The following COL4A3 variants were observed in gnomAD, a reference collection of about 807,000 sequenced individuals.
The protein encoded by COL4A3 is collagen type IV alpha 3 chain.
A neutral mutation model predicts 217.4 loss-of-function variants in COL4A3; 135 were observed. The observed-to-expected ratio is 0.62, with a 90% CI of 0.54 to 0.72. The LOEUF is 0.72. Ranked by LOEUF, COL4A3 falls within the 30% of genes least tolerant of loss-of-function variation. COL4A3 has a pLI of 0.00. For synonymous variants in COL4A3, 690 were observed against 736.3 expected (o/e 0.94, Z 1.02); for missense variants, 1,868 against 2,119.9 (o/e 0.88, Z 2.33).
chr2:227,277,824 A>G (rs1467740489), intron 28 of COL4A3, among the ~76,000 whole-genome samples: 2 of 151,832 alleles, frequency 1.3e-5, no homozygotes, highest in African/African-American at 2.4e-5. Context: ...ACATGGTGAA[A>G]CCCCGTCTCT....
rs2106210356 is a variant in COL4A3 at position 227,290,760 on chromosome 2, A to G, written c.3084A>G (p.Lys1028=). ...CCCTAATTTCAGGTTCTAAAGGAAA[A>G]AGGGGAACTTTGGGATTCCCAGGTC... ...GNMGMPGSKG[K]RGTLGFPGRA... Residue 1028 remains lysine, a synonymous_variant, in exon 37 of 52, where the codon AAA becomes AAG. Coordinates refer to ENST00000396578, the MANE Select transcript of COL4A3 (RefSeq NM_000091.5). 1 of 1,613,348 alleles carries G rather than the reference A, an allele frequency of 6.2e-7. No individual in the cohort carries two copies. The highest frequency in any genetic ancestry group is 1.3e-5 in the African/African-American group (1 of 74,996).
rs569431141 is a variant in COL4A3 at position 227,240,546 on chromosome 2, C to T, written c.234+314C>T. Reference sequence around the variant, plus strand: ...ACTCAGAGCTCTTTTTGCTTCTATTCAAGACCTGTCCAACCACCTGTGCCC... The same window carrying T: ...ACTCAGAGCTCTTTTTGCTTCTATTTAAGACCTGTCCAACCACCTGTGCCC... On this transcript the variant is annotated intron_variant, in intron 3 of 51. Transcript: ENST00000396578. Among the ~76,000 whole-genome samples, 19 of 152,324 alleles carry T rather than the reference C, an allele frequency of 1.2e-4. No homozygotes were observed. The South Asian group carries it at 3.5e-3, about 28-fold the overall frequency.
intron 1 of COL4A3, among the ~76,000 whole-genome samples, chr2:227,233,333 T>TAA (rs398039895): frequency 0.089 from 13,327 of 149,392 alleles, 610 homozygotes; most frequent in Admixed American, 0.15. Flanking sequence ...ATTGGCCTGT[T>TAA]AAAAAAAAAA....
At position 227,266,482 on chromosome 2, in the gene COL4A3, G is replaced by C. The variant is rs1135401954; in HGVS notation, c.1381G>C (p.Gly461Arg). 1 of 1,614,000 alleles carries C rather than the reference G, an allele frequency of 6.2e-7. No individual in the cohort carries two copies. Among genetic ancestry groups the C allele is most frequent in the Non-Finnish European group, 8.5e-7 (1 of 1,179,952 alleles). Reference sequence around the variant, plus strand: ...ACTGCCAGGCTATCTAGGGTCTCCAGGAATCCCAGGAGTTGATGGGCCCAA... The same window carrying C: ...ACTGCCAGGCTATCTAGGGTCTCCACGAATCCCAGGAGTTGATGGGCCCAA... ...HGLPGYLGSP[G>R]IPGVDGPKGE... Residue 461 changes from glycine (G) to arginine (R), a missense_variant, in exon 22 of 52, where the codon GGA becomes CGA. Coordinates refer to ENST00000396578, the MANE Select transcript of COL4A3 (RefSeq NM_000091.5).
At position 227,309,187 on chromosome 2, in the gene COL4A3, T is replaced by C; in HGVS notation, c.4641-17T>C. 6.2e-7 allele frequency: 1 copy of C among 1,613,836 alleles called. No individual in the cohort carries two copies. Among genetic ancestry groups the C allele is most frequent in the East Asian group, 2.2e-5 (1 of 44,890 alleles). On this transcript the variant is annotated splice_polypyrimidine_tract_variant and intron_variant, in intron 49 of 51. Transcript: ENST00000396578. ...AGAAAGTGGCAATGCCGCCATAGTCTTTGTTTCATGTTACAGATGCACTGT... is the reference window on the plus strand; with the variant it reads ...AGAAAGTGGCAATGCCGCCATAGTCCTTGTTTCATGTTACAGATGCACTGT...
At chr2:227,245,065 A>G (rs1301423438) in intron 5 of COL4A3, 70 bp downstream of exon 5, 2 of 1,469,346 alleles carry the variant, frequency 1.4e-6, no homozygotes, top group African/African-American at 2.8e-5. Flanking sequence ...ATGTTAAAAC[A>G]GTCGTGCAAG....
At chr2:227,203,456 TATATGTGTGTATATATGTGTATAC>T (rs537344537) in intron 1 of COL4A3, among the ~76,000 whole-genome samples, 1 of 50,438 alleles carries the variant, frequency 2.0e-5, no homozygotes, top group African/African-American at 1.0e-4. Context: ...TATACATACA[TATATGTGTGTATATATGTGTATAC>T]ATATGTGTGT....
chr2:227,274,111 C>T (rs1161288519), intron 26 of COL4A3, among the ~76,000 whole-genome samples: 11 of 152,086 alleles, frequency 7.2e-5, no homozygotes, highest in Non-Finnish European at 1.5e-5. Flanking sequence ...GTGGCACATA[C>T]CCACAGTCCC....
intron 1 of COL4A3, among the ~76,000 whole-genome samples, chr2:227,173,458 A>G (rs895651396): frequency 7.2e-5 from 11 of 152,162 alleles, no homozygotes; most frequent in Non-Finnish European, 1.3e-4. Flanking sequence ...CAGCCTTTCC[A>G]TTCTTCCAGG....
At chr2:227,304,533 GA>G (rs1253086524) in intron 46 of COL4A3, among the ~76,000 whole-genome samples, 1 of 152,092 alleles carries the variant, frequency 6.6e-6, no homozygotes, top group African/African-American at 2.4e-5. Context: ...AAAGTATTAG[GA>G]AAAAATGATT....
In COL4A3 at chr2:227,253,539, T is replaced by C. The variant is rs917834036; in HGVS notation, c.688-22T>C. 9 of 1,598,618 alleles carry C rather than the reference T, an allele frequency of 5.6e-6. No individual in the cohort carries two copies. The highest frequency in any genetic ancestry group is 7.7e-6 in the Non-Finnish European group (9 of 1,165,844). On this transcript the variant is annotated intron_variant, in intron 12 of 51. Coordinates refer to ENST00000396578, the MANE Select transcript of COL4A3 (RefSeq NM_000091.5). This position sits in a 1 kb window ranked among gnomAD's most constrained non-coding sequence, Gnocchi z 4.4. ...TTGATGCTGTTGTTTATTTTCTCAC[T>C]CCTGAGTGTTTTTGTCTTTAGGGTG...
At chr2:227,263,343 A>C (rs1272064988) in intron 20 of COL4A3, among the ~76,000 whole-genome samples, 1 of 152,222 alleles carries the variant, frequency 6.6e-6, no homozygotes, top group Non-Finnish European at 1.5e-5. Context: ...GGAGATGACT[A>C]TCCCCCATCA....
intron 28 of COL4A3, 38 bp from the exon 29 acceptor site, chr2:227,279,755 C>A: frequency 1.4e-6 from 2 of 1,385,100 alleles, no homozygotes; most frequent in African/African-American, 1.4e-5. Context: ...TTCAATAAGA[C>A]TAATCCTACA....
chr2:227,296,880 C>A (rs144522678), intron 41 of COL4A3, among the ~76,000 whole-genome samples: 39 of 152,298 alleles, frequency 2.6e-4, no homozygotes, highest in African/African-American at 8.9e-4. Flanking sequence ...TCCTTCTGCA[C>A]ATCTATCTTC....
intron 6 of COL4A3, 31 bp downstream of exon 6, chr2:227,246,047 T>C: frequency 6.6e-7 from 1 of 1,520,910 alleles, no homozygotes; most frequent in Non-Finnish European, 9.1e-7. Context: ...AGATGATTAA[T>C]AAATGCTTTG....
intron 1 of COL4A3, among the ~76,000 whole-genome samples, chr2:227,236,663 A>ATTTTTTTTTTTTTTTTTTT (rs375943584): frequency 6.9e-6 from 1 of 144,658 alleles, no homozygotes. Context: ...GTCAAAACAC[A>ATTTTTTTTTTTTTTTTTTT]TTTTTTCTTT....
rs1267839034 is a variant in COL4A3 at position 227,293,218 on chromosome 2, G to A, written c.3238G>A (p.Gly1080Arg). The change falls in exon 38 of 52, where the codon GGA becomes AGA. Residue 1080 changes from glycine (G) to arginine (R), a missense_variant. Gly to Arg is a moderately radical substitution (Grantham distance 125). Coordinates refer to ENST00000396578, the MANE Select transcript of COL4A3 (RefSeq NM_000091.5). ...GGATCCAGGACTGCCGGGTGATATG[G>A]GAAAGAAAGGAGAAATGGGGCAACC... is the stretch of plus-strand genomic sequence containing the variant. ...TGDPGLPGDM[G>R]KKGEMGQPGP... is the part of the protein sequence containing the mutation. 1.2e-6 allele frequency: 2 copies of A among 1,613,990 alleles called. No individual in the cohort carries two copies. Among genetic ancestry groups the A allele is most frequent in the East Asian group, 2.2e-5 (1 of 44,884 alleles).
chr2:227,181,831 T>C (rs2065876209), intron 1 of COL4A3, among the ~76,000 whole-genome samples: 2 of 152,202 alleles, frequency 1.3e-5, no homozygotes, highest in Admixed American at 1.3e-4. Context: ...GACGGACATA[T>C]AGTAGAATTA....
chr2:227,255,072 A>G (rs2070069378), intron 15 of COL4A3, among the ~76,000 whole-genome samples: 1 of 152,160 alleles, frequency 6.6e-6, no homozygotes, highest in Non-Finnish European at 1.5e-5. Flanking sequence ...ATTAGAGGAG[A>G]AAGAGAGCAT....
Sources: allele counts gnomAD v4.1 joint callset (sites outside exome capture counted in the v4.1 genomes callset), GRCh38; gene constraint gnomAD v4.1.1; non-coding constraint Gnocchi (gnomAD v3.1); transcripts MANE v1.5; gene names NCBI Gene and HGNC (gene_info 2026-07-23, HGNC 2026-07-21).